Variants in ALX4 observed in about 807,000 individuals in gnomAD.
ALX4 encodes homeobox protein aristaless-like 4.
Under a neutral mutation model 40.6 loss-of-function variants are expected in ALX4, and 22 were observed. The observed-to-expected ratio is 0.54, with a 90% CI of 0.39 to 0.77. The LOEUF (loss-of-function observed/expected upper bound fraction) is 0.77. Among genes scored for constraint, ALX4 ranks in the 30% least tolerant of loss-of-function variants. The pLI, the probability that ALX4 is intolerant of heterozygous loss-of-function variation, is 0.00. For synonymous variants in ALX4, 266 were observed against 240.5 expected (o/e 1.11, Z -0.98); for missense variants, 556 against 564.8 (o/e 0.98, Z 0.16).
chr11:44,278,539 G>C (rs1956291125), intron 1 of ALX4, among the ~76,000 whole-genome samples: 2 of 152,204 alleles, frequency 1.3e-5, no homozygotes, highest in Non-Finnish European at 2.9e-5. Context: ...TGGCCTTTCA[G>C]GGGAAGTGGC....
chr11:44,292,896 G>A (rs1167270622), intron 1 of ALX4, among the ~76,000 whole-genome samples: 1 of 151,980 alleles, frequency 6.6e-6, no homozygotes, highest in Non-Finnish European at 1.5e-5. Context: ...AGGAGTTTGA[G>A]ACCAGCCTGG....
intron 1 of ALX4, among the ~76,000 whole-genome samples, chr11:44,288,222 G>A (rs528811916): frequency 4.6e-5 from 7 of 152,060 alleles, no homozygotes; most frequent in South Asian, 2.1e-4. Context: ...GCTGTATATC[G>A]TATGCATGTA....
chr11:44,277,590 T>G (rs1956285175), intron 1 of ALX4, among the ~76,000 whole-genome samples: 1 of 152,196 alleles, frequency 6.6e-6, no homozygotes, highest in Admixed American at 6.5e-5. Flanking sequence ...GGGCATTAAG[T>G]GTCAGAATGA....
At chr11:44,302,117 G>A (rs1358425146) in intron 1 of ALX4, among the ~76,000 whole-genome samples, 7 of 152,178 alleles carry the variant, frequency 4.6e-5, no homozygotes, top group Non-Finnish European at 7.3e-5. Context: ...CTCCCTGGGG[G>A]CGCCTCTGGA....
rs1227814727 is a variant in ALX4 at position 44,262,052 on chromosome 11, T to C, written c.*2802A>G. On this transcript the variant is annotated 3_prime_UTR_variant, in exon 4 of 4. Transcript: ENST00000652299. ...AACTGAGCTGCTGAGTGAATGCCCATGAGGCATTGGAGAGGGGAGCTCCAT... is the reference window on the plus strand; with the variant it reads ...AACTGAGCTGCTGAGTGAATGCCCACGAGGCATTGGAGAGGGGAGCTCCAT... 1 of 152,276 alleles carries C rather than the reference T, an allele frequency of 6.6e-6. No individual in the cohort carries two copies. The highest frequency in any genetic ancestry group is 1.5e-5 in the Non-Finnish European group (1 of 68,094). 9.4% of individuals were successfully genotyped at this position (152,276 alleles called of 1,614,324 possible).
chr11:44,293,222 G>GT (rs1217733199), intron 1 of ALX4, among the ~76,000 whole-genome samples: 1 of 150,800 alleles, frequency 6.6e-6, no homozygotes, highest in Non-Finnish European at 1.5e-5. Context: ...GAAGAAAATG[G>GT]TTTTTTCATT....
At chr11:44,284,219 GGGGGC>G (rs923150548) in intron 1 of ALX4, among the ~76,000 whole-genome samples, 27 of 151,454 alleles carry the variant, frequency 1.8e-4, no homozygotes, top group African/African-American at 6.3e-4. Context: ...TCTTTTTTTG[GGGGGC>G]GGGGCGGGGC....
In ALX4 at chr11:44,275,594, G is replaced by A. The variant is rs932290500; in HGVS notation, c.531C>T (p.Ser177=). 4 of 1,614,060 alleles carry A rather than the reference G, an allele frequency of 2.5e-6. No homozygotes were observed. The highest frequency in any genetic ancestry group is 3.4e-6 in the Non-Finnish European group (4 of 1,179,946). ...CAGCCTCCTTGACACTCAGGTAGCT[G>A]CTGTCCATCCCCACAGTGTCAGAGT... ...PPDSDTVGMD[S]SYLSVKEAGV... Residue 177 remains serine, a synonymous_variant, in exon 2 of 4, where the codon AGC becomes AGT. Coordinates refer to ENST00000652299, the MANE Select transcript of ALX4 (RefSeq NM_021926.4).
intron 1 of ALX4, among the ~76,000 whole-genome samples, chr11:44,309,096 C>T (rs1371655061): frequency 6.6e-6 from 1 of 151,678 alleles, no homozygotes; most frequent in Non-Finnish European, 1.5e-5. Context: ...TCACCTGCGG[C>T]GGCGCCGCCC....
At chr11:44,301,260 C>A (rs1447772307) in intron 1 of ALX4, among the ~76,000 whole-genome samples, 1 of 152,198 alleles carries the variant, frequency 6.6e-6, no homozygotes, top group Non-Finnish European at 1.5e-5. Flanking sequence ...TCACCATGAC[C>A]CATTGTGTGT....
chr11:44,278,356 C>T (rs1032077365), intron 1 of ALX4, among the ~76,000 whole-genome samples: 1 of 152,200 alleles, frequency 6.6e-6, no homozygotes, highest in Non-Finnish European at 1.5e-5. Flanking sequence ...ACTCCCTCCC[C>T]TGCGGTCTTA....
chr11:44,293,954 G>A (rs540246255), intron 1 of ALX4, among the ~76,000 whole-genome samples: 64 of 152,282 alleles, frequency 4.2e-4, no homozygotes, highest in African/African-American at 1.4e-3. Flanking sequence ...GTAGATGGGC[G>A]AAGATGGTGT....
intron 1 of ALX4, among the ~76,000 whole-genome samples, chr11:44,296,728 G>C (rs1343997335): frequency 6.6e-6 from 1 of 152,170 alleles, no homozygotes; most frequent in African/African-American, 2.4e-5. Context: ...GGTACCTAAG[G>C]CCAGGTGCGG....
intron 1 of ALX4, among the ~76,000 whole-genome samples, chr11:44,276,181 G>T (rs1956276954): frequency 6.6e-6 from 1 of 152,234 alleles, no homozygotes; most frequent in South Asian, 2.1e-4. Context: ...CAGGAGTTCA[G>T]CAGGAGCTGT....
intron 1 of ALX4, among the ~76,000 whole-genome samples, chr11:44,299,517 C>T (rs113978899): frequency 0.023 from 3,486 of 152,048 alleles, 131 homozygotes; most frequent in African/African-American, 0.08. Context: ...CCCGCCACCA[C>T]GCCCGGCTAA....
intron 1 of ALX4, among the ~76,000 whole-genome samples, chr11:44,301,670 G>A (rs1262815510): frequency 1.3e-5 from 2 of 152,182 alleles, no homozygotes; most frequent in African/African-American, 2.4e-5. Flanking sequence ...ACAAGAGAGC[G>A]GGTGAGTGGA....
rs1267289280 is a variant in ALX4 at position 44,262,248 on chromosome 11, G to GT, written c.*2605dup. 1 of 152,360 alleles carries GT rather than the reference G, an allele frequency of 6.6e-6. No individual in the cohort carries two copies. The highest frequency in any genetic ancestry group is 1.5e-5 in the Non-Finnish European group (1 of 68,186). 9.4% of individuals were successfully genotyped at this position (152,360 alleles called of 1,614,324 possible). On this transcript the variant is annotated 3_prime_UTR_variant, in exon 4 of 4. Coordinates refer to ENST00000652299, the MANE Select transcript of ALX4 (RefSeq NM_021926.4). ...GTGAAGGGACTGGACTAACTAGAGG[G>GT]TTTCTAAGCTTCCTCCCAACTCGGT...
intron 1 of ALX4, among the ~76,000 whole-genome samples, chr11:44,304,573 C>G (rs868177745): frequency 6.6e-6 from 1 of 152,218 alleles, no homozygotes; most frequent in Non-Finnish European, 1.5e-5. Context: ...TGGCCTCAGG[C>G]ACCCCAGTCC....
chr11:44,279,017 A>T (rs1956293924), intron 1 of ALX4, among the ~76,000 whole-genome samples: 1 of 152,138 alleles, frequency 6.6e-6, no homozygotes, highest in Admixed American at 6.5e-5. Context: ...CTGCAGCTCC[A>T]CTCAACTGGT....
Sources: gnomAD v4.1 joint callset for allele counts (sites outside exome capture counted in the v4.1 genomes callset) on GRCh38, gnomAD v4.1.1 for gene constraint, MANE v1.5 for transcripts, NCBI Gene and HGNC (gene_info 2026-07-23, HGNC 2026-07-21) for gene names.